Variants in GRAP observed in about 807,000 individuals in gnomAD.
GRAP encodes the protein GRB2-related adapter protein.
In GRAP, 2 loss-of-function variants were observed where a neutral mutation model predicts 9.1. That is an observed-to-expected ratio of 0.22 (90% CI 0.09 to 0.69). The LOEUF (loss-of-function observed/expected upper bound fraction) is 0.69, where lower values mean the gene tolerates loss of function less well. Among genes scored for constraint, GRAP ranks in the 30% least tolerant of loss-of-function variants. GRAP has a pLI of 0.81. For missense variants in GRAP, 113 were observed against 179.4 expected (o/e 0.63, Z 2.12); for synonymous variants, 68 against 73.6 (o/e 0.92, Z 0.39).
chr17:19,030,400 G>A (rs1271081209), intron 3 of GRAP: 3 of 127,510 alleles, frequency 2.4e-5, no homozygotes, highest in South Asian at 4.3e-5. Context: ...CCCGCTGGGC[G>A]ATCTCCATCA....
In GRAP at chr17:19,024,533, A is replaced by G; in HGVS notation, c.300-150T>C. 1 of 1,325,504 alleles carries G rather than the reference A, an allele frequency of 7.5e-7. No individual in the cohort carries two copies. The highest frequency in any genetic ancestry group is 1.0e-6 in the Non-Finnish European group (1 of 992,628). The allele number at this position is 1,325,504 out of a possible 1,614,324, so 82.1% of individuals were successfully genotyped here. On this transcript the variant is annotated intron_variant, in intron 3 of 4. Transcript: ENST00000284154. The surrounding 1 kb of genome is among the most constrained non-coding windows in gnomAD (Gnocchi z 4.2). ...GGTGCAAGTGGGAGAGGCCCCACTG[A>G]CCCAGCTCCACATGGGGTCTGGGGA...
rs180846047 is a variant in GRAP, at chr17:19,021,867, G to T, written c.*92C>A. 1 of 1,318,752 alleles carries T rather than the reference G, an allele frequency of 7.6e-7. No individual in the cohort carries two copies. Among genetic ancestry groups the T allele is most frequent in the South Asian group, 1.7e-5 (1 of 59,496 alleles). 81.7% of individuals were successfully genotyped at this position (1,318,752 alleles called of 1,614,324 possible). ...AGTCCAAGGCCGTCCACTGAGCCCC[G>T]TGTGACTCTGACAGAGCTGGGGGTG... On this transcript the variant is annotated 3_prime_UTR_variant, in exon 5 of 5. Transcript: ENST00000284154. This position sits in a 1 kb window ranked among gnomAD's most constrained non-coding sequence, Gnocchi z 4.1.
rs1328280100 is a variant in GRAP, at chr17:19,022,006, G to A, written c.607C>T (p.Arg203Cys). 12 of 1,594,348 alleles carry A rather than the reference G, an allele frequency of 7.5e-6. No homozygotes were observed. The highest frequency in any genetic ancestry group is 1.4e-5 in the African/African-American group (1 of 73,902). The change falls in exon 5 of 5, where the codon CGC (arginine) becomes TGC (cysteine). Residue 203 changes from arginine (R) to cysteine (C), a missense_variant. By Grantham distance (180) the Arg-to-Cys change is radical. Transcript: ENST00000284154. ...TAACTCCGTGGGAAGAAGCCAACGC[G>A]CCCGCAGGACCGGCCCCGCCACCAG... ...PHWWRGRSCGRVGFFPRSYVQ... is the reference protein window; with the variant it reads ...PHWWRGRSCGCVGFFPRSYVQ...
chr17:19,024,103 G>T lies in GRAP; in HGVS notation c.468+112C>A. The stretch of plus-strand genomic sequence containing the variant: ...TGGACGCCTCTTGCAATACCAGGCT[G>T]CTGGGGAAGTGAGACCAGGCCCGTG... On this transcript the variant is annotated intron_variant, in intron 4 of 4. Transcript: ENST00000284154. The surrounding 1 kb of genome is among the most constrained non-coding windows in gnomAD (Gnocchi z 4.2). 9.3e-7 allele frequency: 1 copy of T among 1,074,672 alleles called. No individual in the cohort carries two copies. Among genetic ancestry groups the T allele is most frequent in the Non-Finnish European group, 1.4e-6 (1 of 736,792 alleles). The allele number at this position is 1,074,672 out of a possible 1,614,324, so 66.6% of individuals were successfully genotyped here.
rs1199707362 is a variant in GRAP at position 19,024,504 on chromosome 17, A to G, written c.300-121T>C. Reference sequence around the variant, plus strand: ...GTCTCACGGTGGGACCTGGAGTCAGATAAGGTGCAAGTGGGAGAGGCCCCA... The same window carrying G: ...GTCTCACGGTGGGACCTGGAGTCAGGTAAGGTGCAAGTGGGAGAGGCCCCA... On this transcript the variant is annotated intron_variant, in intron 3 of 4. Transcript: ENST00000284154. The surrounding 1 kb of genome is among the most constrained non-coding windows in gnomAD (Gnocchi z 4.2). The G allele has an allele frequency of 6.8e-7, 1 of 1,463,572 alleles. No individual in the cohort carries two copies. The highest frequency in any genetic ancestry group is 9.0e-7 in the Non-Finnish European group (1 of 1,105,576). The allele number at this position is 1,463,572 out of a possible 1,614,324, so 90.7% of individuals were successfully genotyped here.
chr17:19,021,600 A>G lies in GRAP; in HGVS notation c.*359T>C. The G allele has an allele frequency of 2.6e-6, 1 of 385,756 alleles. No individual in the cohort carries two copies. Among genetic ancestry groups the G allele is most frequent in the East Asian group, 3.7e-5 (1 of 27,000 alleles). The allele number at this position is 385,756 out of a possible 1,614,324, so 23.9% of individuals were successfully genotyped here. On this transcript the variant is annotated 3_prime_UTR_variant, in exon 5 of 5. Transcript: ENST00000284154. The surrounding 1 kb of genome is among the most constrained non-coding windows in gnomAD (Gnocchi z 4.1). Reference sequence around the variant, plus strand: ...CCACCCACCATGGCCAGGGTTCCTTAGGTTGAGCCTCCAGTGGGTGAAACC... The same window carrying G: ...CCACCCACCATGGCCAGGGTTCCTTGGGTTGAGCCTCCAGTGGGTGAAACC...
At chr17:19,048,505 A>G (rs1191708192), upstream of GRAP, among the ~76,000 whole-genome samples, 1 of 105,370 alleles carries the variant, frequency 9.5e-6, no homozygotes, top group Non-Finnish European at 1.6e-5. Flanking sequence ...AGTGGATTAT[A>G]ATCCATTACT....
rs770213883 is a variant in GRAP at position 19,024,262 on chromosome 17, C to A, written c.421G>T (p.Ala141Ser). ...LVDFYRTTTI[A>S]KKRQIFLRDE... is the part of the protein sequence containing the mutation. ...CGCAGGAAGATCTGCCGCTTCTTGG[C>A]GATGGTGGTGGTGCGGTAGAAGTCG... is the stretch of plus-strand genomic sequence containing the variant. Residue 141 changes from alanine (A) to serine (S), a missense_variant, in exon 4 of 5, where the codon GCC becomes TCC. Ala to Ser is a moderately conservative substitution (Grantham distance 99, BLOSUM62 1). Coordinates refer to ENST00000284154, the MANE Select transcript of GRAP (RefSeq NM_006613.4). This position sits in a 1 kb window ranked among gnomAD's most constrained non-coding sequence, Gnocchi z 4.2. The A allele has an allele frequency of 5.0e-6, 8 of 1,604,988 alleles. No individual in the cohort carries two copies. Among genetic ancestry groups the A allele is most frequent in the Non-Finnish European group, 5.1e-6 (6 of 1,175,714 alleles).
chr17:19,025,167 C>A (rs1340166743), intron 3 of GRAP, among the ~76,000 whole-genome samples: 1 of 151,092 alleles, frequency 6.6e-6, no homozygotes, highest in Non-Finnish European at 1.5e-5. Flanking sequence ...GAGGAGAGAG[C>A]CTGCTCTTTC....
chr17:19,024,188 C>T lies in GRAP; in HGVS notation c.468+27G>A. ...ATGGCAGGAGGTGCAGAGAGGCTCC[C>T]ACAGGCCAGCCCCCACCCGCCCCTA... On this transcript the variant is annotated intron_variant, in intron 4 of 4. Coordinates refer to ENST00000284154, the MANE Select transcript of GRAP (RefSeq NM_006613.4). The surrounding 1 kb of genome is among the most constrained non-coding windows in gnomAD (Gnocchi z 4.2). 6.4e-7 allele frequency: 1 copy of T among 1,561,214 alleles called. No homozygotes were observed. Among genetic ancestry groups the T allele is most frequent in the Non-Finnish European group, 8.7e-7 (1 of 1,152,618 alleles).
At position 19,020,847 on chromosome 17, in the gene GRAP, C is replaced by G. The variant is rs1296941267; in HGVS notation, c.*1112G>C. On this transcript the variant is annotated 3_prime_UTR_variant, in exon 5 of 5. Transcript: ENST00000284154. ...GCCCCCCATTAAGGGACTGCAGCCA[C>G]CTCCAAGGGCTCCTCCCTCCACCCA... 5.8e-6 allele frequency: 1 copy of G among 171,970 alleles called. No individual in the cohort carries two copies. The highest frequency in any genetic ancestry group is 1.5e-4 in the East Asian group (1 of 6,630). The allele number at this position is 171,970 out of a possible 1,614,324, so 10.7% of individuals were successfully genotyped here.
chr17:19,025,512 T>TC (rs1267999041), intron 3 of GRAP, among the ~76,000 whole-genome samples: 4 of 134,290 alleles, frequency 3.0e-5, no homozygotes, highest in African/African-American at 1.1e-4. Context: ...CTCTCTCATT[T>TC]CCCGTCTGTG....
chr17:19,025,075 C>T lies in GRAP; in HGVS notation c.300-692G>A, dbSNP rs189900767. On this transcript the variant is annotated intron_variant, in intron 3 of 4. Coordinates refer to ENST00000284154, the MANE Select transcript of GRAP (RefSeq NM_006613.4). ...CCTCTCCGATGAAGCAAGCAGGCCC[C>T]TTTCTCTCATTTCCCGTCTGTGCCC... Among the ~76,000 whole-genome samples, 686 of 152,338 alleles carry T rather than the reference C, an allele frequency of 4.5e-3. 2 individuals are homozygous for T. Among genetic ancestry groups the T allele is most frequent in the Middle Eastern group, 0.01 (3 of 294 alleles).
At chr17:19,025,680 T>G (rs1246566328) in intron 3 of GRAP, among the ~76,000 whole-genome samples, 1 of 132,302 alleles carries the variant, frequency 7.6e-6, no homozygotes, top group African/African-American at 3.0e-5. Flanking sequence ...TGGCGCTATC[T>G]CGGCTCACTG....
chr17:19,023,356 G>T (rs2044288045), intron 4 of GRAP, among the ~76,000 whole-genome samples: 1 of 152,142 alleles, frequency 6.6e-6, no homozygotes, highest in South Asian at 2.1e-4. Flanking sequence ...TTTGGCTGGA[G>T]CTTCTCTTCA....
At chr17:19,048,050 T>G (rs2044382713), upstream of GRAP, among the ~76,000 whole-genome samples, 1 of 84,454 alleles carries the variant, frequency 1.2e-5, no homozygotes, top group South Asian at 4.6e-4. Flanking sequence ...TAGAGATGGG[T>G]TTTCACCATG....
At position 19,024,236 on chromosome 17, in the gene GRAP, G is replaced by C; in HGVS notation, c.447C>G (p.Arg149=). ...TIAKKRQIFL[R]DEEPLLKSPG... is the part of the protein sequence containing the mutation. Reference sequence around the variant, plus strand: ...CTACCTTGAGCAAGGGCTCCTCGTCGCGCAGGAAGATCTGCCGCTTCTTGG... The same window carrying C: ...CTACCTTGAGCAAGGGCTCCTCGTCCCGCAGGAAGATCTGCCGCTTCTTGG... The change falls in exon 4 of 5, where the codon CGC becomes CGG. Residue 149 remains arginine (R), a synonymous_variant. Transcript: ENST00000284154. This position sits in a 1 kb window ranked among gnomAD's most constrained non-coding sequence, Gnocchi z 4.2. The C allele has an allele frequency of 6.3e-7, 1 of 1,595,520 alleles. No individual in the cohort carries two copies. The highest frequency in any genetic ancestry group is 1.1e-5 in the South Asian group (1 of 88,032).
intron 4 of GRAP, chr17:19,022,515 C>T (rs2044280440): frequency 9.1e-6 from 2 of 219,942 alleles, no homozygotes; most frequent in Non-Finnish European, 1.8e-5. Flanking sequence ...CTTTTGACTC[C>T]AGGCCACAAA....
At chr17:19,025,596 C>A (rs2044308959) in intron 3 of GRAP, among the ~76,000 whole-genome samples, 2 of 134,618 alleles carry the variant, frequency 1.5e-5, no homozygotes, top group African/African-American at 5.7e-5. Flanking sequence ...AGAGAGCCTG[C>A]TCTTTCTTTT....
Sources: allele counts gnomAD v4.1 joint callset (sites outside exome capture counted in the v4.1 genomes callset), GRCh38; gene constraint gnomAD v4.1.1; non-coding constraint Gnocchi (gnomAD v3.1); transcripts MANE v1.5; gene names NCBI Gene and HGNC (gene_info 2026-07-23, HGNC 2026-07-21).